The following EDNRB variants were observed in gnomAD, a reference collection of about 807,000 sequenced individuals.
EDNRB encodes endothelin receptor type B.
EDNRB carries 18 observed loss-of-function variants against 46.4 expected under a neutral mutation model. The observed-to-expected ratio is 0.39, with a 90% CI of 0.27 to 0.57. The LOEUF (loss-of-function observed/expected upper bound fraction) is 0.57, where lower values mean the gene tolerates loss of function less well. EDNRB is among the 20% of genes least tolerant of loss of function. The pLI is 0.61. For missense variants in EDNRB, 434 were observed against 537.5 expected, an observed-to-expected ratio of 0.81 and a Z score of 1.90; for synonymous variants, 213 against 204.9, an observed-to-expected ratio of 1.04 and a Z score of -0.34.
At position 77,896,658 on chromosome 13, in the gene EDNRB, A is replaced by T. The variant is rs1164401410; in HGVS notation, c.*1542T>A. The T allele has an allele frequency of 3.4e-6, 5 of 1,487,790 alleles. No individual in the cohort carries two copies. The highest frequency in any genetic ancestry group is 1.4e-5 in the African/African-American group (1 of 70,368). 92.2% of individuals were successfully genotyped at this position (1,487,790 alleles called of 1,614,324 possible). On this transcript the variant is annotated 3_prime_UTR_variant, in exon 7 of 7. Coordinates refer to ENST00000646607, the MANE Select transcript of EDNRB (RefSeq NM_001122659.3). ...TCGAAAGTCACTCTGAGAACATTGC[A>T]CTGTGTTTTGCTGGAACAAAATCAG... is the stretch of plus-strand genomic sequence containing the variant.
At chr13:77,969,113 C>A (rs572704607) in intron 1 of EDNRB, among the ~76,000 whole-genome samples, 1 of 152,264 alleles carries the variant, frequency 6.6e-6, no homozygotes, top group African/African-American at 2.4e-5. Context: ...CACCAGAGTT[C>A]CTATTAGTTA....
chr13:77,898,222 C>G lies in EDNRB; in HGVS notation c.1307G>C (p.Ser436Thr), dbSNP rs764302607. Residue 436 changes from serine to threonine, a missense_variant, in exon 7 of 7, where the codon AGT (serine) becomes ACT (threonine). By Grantham distance (58) the Ser-to-Thr change is moderately conservative (BLOSUM62 1). Transcript: ENST00000646607. Reference sequence around the variant, plus strand: ...CTTTCAAGATGAGCTGTATTTATTACTGGAACGGAAGTTGTCATATCCGTG... The same window carrying G: ...CTTTCAAGATGAGCTGTATTTATTAGTGGAACGGAAGTTGTCATATCCGTG... ...NDHGYDNFRSSNKYSSS is the reference protein window; with the variant it reads ...NDHGYDNFRSTNKYSSS The G allele has an allele frequency of 6.2e-7, 1 of 1,611,878 alleles. No homozygotes were observed. Among genetic ancestry groups the G allele is most frequent in the South Asian group, 1.1e-5 (1 of 91,048 alleles).
At chr13:77,919,020 G>A (rs999428480), upstream of EDNRB, 11 of 686,490 alleles carry the variant, frequency 1.6e-5, no homozygotes, top group East Asian at 3.3e-4. Flanking sequence ...GAGGCCAAGG[G>A]CTTGTGTCAA....
chr13:77,962,934 C>A (rs1325420179), intron 1 of EDNRB, among the ~76,000 whole-genome samples: 4 of 152,168 alleles, frequency 2.6e-5, no homozygotes, highest in African/African-American at 9.7e-5. Flanking sequence ...TCTCAGGATA[C>A]AAAATCAATG....
chr13:77,930,667 G>A (rs1376237203), intron 1 of EDNRB, among the ~76,000 whole-genome samples: 1 of 152,174 alleles, frequency 6.6e-6, no homozygotes, highest in Non-Finnish European at 1.5e-5. Flanking sequence ...CAGAAATGTT[G>A]AGTTTGTAAC....
intron 1 of EDNRB, among the ~76,000 whole-genome samples, chr13:77,968,124 A>T (rs1046830919): frequency 6.6e-6 from 1 of 152,170 alleles, no homozygotes; most frequent in Non-Finnish European, 1.5e-5. Flanking sequence ...AAAATCATGA[A>T]ATATAAATAG....
upstream of EDNRB, chr13:77,919,658 T>C (rs200240512): frequency 1.9e-6 from 3 of 1,538,786 alleles, no homozygotes; most frequent in East Asian, 7.2e-5. Flanking sequence ...TCCCGCGCCT[T>C]CCGACCCCGC....
chr13:77,933,714 A>G (rs964350931), intron 1 of EDNRB, among the ~76,000 whole-genome samples: 4 of 152,134 alleles, frequency 2.6e-5, no homozygotes, highest in African/African-American at 9.7e-5. Flanking sequence ...GGGAGATGGT[A>G]TGGAGAGATA....
intron 1 of EDNRB, among the ~76,000 whole-genome samples, chr13:77,943,754 A>T (rs954267848): frequency 6.6e-6 from 1 of 151,600 alleles, no homozygotes; most frequent in South Asian, 2.1e-4. Flanking sequence ...TTTCACCTTC[A>T]TTTTTTGTTT....
In EDNRB at chr13:77,897,773, G is replaced by A; in HGVS notation, c.*427C>T. ...AAAGGATTTTAAAATTTTAAATTGAGTAATTTAAGCTTCATTTAAAAGTTC... is the reference window on the plus strand; with the variant it reads ...AAAGGATTTTAAAATTTTAAATTGAATAATTTAAGCTTCATTTAAAAGTTC... On this transcript the variant is annotated 3_prime_UTR_variant, in exon 7 of 7. Transcript: ENST00000646607. 2 of 983,406 alleles carry A rather than the reference G, an allele frequency of 2.0e-6. No homozygotes were observed. Among genetic ancestry groups the A allele is most frequent in the Non-Finnish European group, 2.4e-6 (2 of 826,384 alleles). The allele number at this position is 983,406 out of a possible 1,614,324, so 60.9% of individuals were successfully genotyped here.
chr13:77,947,197 C>A (rs960716550), intron 1 of EDNRB, among the ~76,000 whole-genome samples: 1 of 152,000 alleles, frequency 6.6e-6, no homozygotes, highest in Non-Finnish European at 1.5e-5. Flanking sequence ...CACTAAAATA[C>A]TAATTATCAT....
At chr13:77,972,279 A>G (rs530511830) in intron 1 of EDNRB, among the ~76,000 whole-genome samples, 2 of 152,356 alleles carry the variant, frequency 1.3e-5, no homozygotes, top group South Asian at 4.1e-4. Flanking sequence ...TGCCATGTGC[A>G]CAAGCATAAC....
chr13:77,912,872 C>T (rs1187141132), intron 1 of EDNRB, among the ~76,000 whole-genome samples: 1 of 151,974 alleles, frequency 6.6e-6, no homozygotes, highest in Non-Finnish European at 1.5e-5. Context: ...GAAATGAGAA[C>T]ATTGTTATTA....
chr13:77,936,759 G>T (rs1279853995), intron 1 of EDNRB, among the ~76,000 whole-genome samples: 1 of 152,232 alleles, frequency 6.6e-6, no homozygotes, highest in Non-Finnish European at 1.5e-5. Flanking sequence ...CCTTGGCCCA[G>T]TGGCCAGATT....
chr13:77,942,394 T>C (rs770994012), intron 1 of EDNRB, among the ~76,000 whole-genome samples: 1 of 152,172 alleles, frequency 6.6e-6, no homozygotes, highest in African/African-American at 2.4e-5. Context: ...GGAAAGAGGT[T>C]AAATATGTTG....
intron 1 of EDNRB, among the ~76,000 whole-genome samples, chr13:77,928,825 TAAG>T (rs1880309837): frequency 6.6e-6 from 1 of 152,192 alleles, no homozygotes; most frequent in African/African-American, 2.4e-5. Flanking sequence ...CCAAATCATT[TAAG>T]AAGAACTTCC....
At chr13:77,932,370 A>T (rs1880431923) in intron 1 of EDNRB, among the ~76,000 whole-genome samples, 1 of 152,230 alleles carries the variant, frequency 6.6e-6, no homozygotes, top group Non-Finnish European at 1.5e-5. Flanking sequence ...GGCTAATTTA[A>T]CACGATTTAT....
chr13:77,936,124 G>A lies in EDNRB; in HGVS notation c.-51-17500C>T, dbSNP rs866120821. Among the ~76,000 whole-genome samples, 17 of 152,236 alleles carry A rather than the reference G, an allele frequency of 1.1e-4. No individual in the cohort carries two copies. The Middle Eastern group carries it at 0.02, about 183-fold the overall frequency. On this transcript the variant is annotated intron_variant, in intron 1 of 7. Coordinates refer to the EDNRB transcript ENST00000646948. Reference sequence around the variant, plus strand: ...AGGTTTTAATGGGATGATAAGGGGTGCATGATCAGTCGCTAAGGAGGGAGT... The same window carrying A: ...AGGTTTTAATGGGATGATAAGGGGTACATGATCAGTCGCTAAGGAGGGAGT...
chr13:77,897,627 C>T lies in EDNRB; in HGVS notation c.*573G>A, dbSNP rs1236185977. 1.0e-6 allele frequency: 1 copy of T among 985,662 alleles called. No individual in the cohort carries two copies. The highest frequency in any genetic ancestry group is 1.2e-6 in the Non-Finnish European group (1 of 830,282). 61.1% of individuals were successfully genotyped at this position (985,662 alleles called of 1,614,324 possible). A position where few individuals can be genotyped will look rare whatever the true frequency, so the allele number is the denominator to read the frequency against. ...AAAAACAGCCTTGCTCTTTCTGTTACTCCCTCCTGATCATTTAAATGTTTC... is the reference window on the plus strand; with the variant it reads ...AAAAACAGCCTTGCTCTTTCTGTTATTCCCTCCTGATCATTTAAATGTTTC... On this transcript the variant is annotated 3_prime_UTR_variant, in exon 7 of 7. Transcript: ENST00000646607.
Sources: allele counts gnomAD v4.1 joint callset (sites outside exome capture counted in the v4.1 genomes callset), GRCh38; gene constraint gnomAD v4.1.1; transcripts MANE v1.5; gene names NCBI Gene and HGNC (gene_info 2026-07-23, HGNC 2026-07-21).